NEIL3: variants seen among roughly 807,000 people sequenced by gnomAD.
The protein encoded by NEIL3 is endonuclease 8-like 3.
A neutral mutation model predicts 57.5 loss-of-function variants in NEIL3; 48 were observed. The observed-to-expected ratio is 0.83, with a 90% CI of 0.66 to 1.06. NEIL3 has a LOEUF of 1.06. Ranked by LOEUF, NEIL3 falls within the 50% of genes least tolerant of loss-of-function variation. The pLI, the probability that NEIL3 is intolerant of heterozygous loss-of-function variation, is 0.00. For synonymous variants in NEIL3, 261 were observed against 253.2 expected (o/e 1.03, Z -0.29); for missense variants, 717 against 739.1 (o/e 0.97, Z 0.35).
chr4:177,353,729 G>A lies in NEIL3; in HGVS notation c.1460+1G>A, dbSNP rs2110932892. On this transcript the variant is annotated splice_donor_variant, in intron 8 of 9. Transcript: ENST00000264596. LOFTEE classifies it high-confidence loss of function. ...GCTGCAACCCTGGATATTCTAACAG[G>A]TATGATGCTTTTAACCTTGGTCTTT... 6.3e-7 allele frequency: 1 copy of A among 1,596,716 alleles called. No individual in the cohort carries two copies. The highest frequency in any genetic ancestry group is 1.4e-5 in the African/African-American group (1 of 72,910).
chr4:177,351,563 T>C lies in NEIL3; in HGVS notation c.1039+14T>C. 1.2e-6 allele frequency: 2 copies of C among 1,601,022 alleles called. No homozygotes were observed. Among genetic ancestry groups the C allele is most frequent in the South Asian group, 1.1e-5 (1 of 89,292 alleles). Reference sequence around the variant, plus strand: ...CAAGGCCTATTGGTAAGACTGAATTTTGATTTTGAGTTTGTTACATTTCTA... The same window carrying C: ...CAAGGCCTATTGGTAAGACTGAATTCTGATTTTGAGTTTGTTACATTTCTA... On this transcript the variant is annotated intron_variant, in intron 7 of 9. Coordinates refer to ENST00000264596, the MANE Select transcript of NEIL3 (RefSeq NM_018248.3).
In NEIL3 at chr4:177,360,516, A is replaced by C. The variant is rs1254533126; in HGVS notation, c.1474A>C (p.Asn492His). The change falls in exon 9 of 10, where the codon AAT (asparagine) becomes CAT (histidine). Residue 492 changes from asparagine to histidine, a missense_variant. Transcript: ENST00000264596. ...PGYSNSELQI[N>H]MTDGPRTLNP... ...CTGTCATTACAGTGAACTTCAAATTAATATGACAGATGGCCCTCGTACCTT... is the reference window on the plus strand; with the variant it reads ...CTGTCATTACAGTGAACTTCAAATTCATATGACAGATGGCCCTCGTACCTT... The C allele has an allele frequency of 6.2e-7, 1 of 1,613,740 alleles. No individual in the cohort carries two copies. The highest frequency in any genetic ancestry group is 1.7e-5 in the Admixed American group (1 of 59,998).
chr4:177,333,958 G>T (rs1262447220), intron 2 of NEIL3, among the ~76,000 whole-genome samples: 6 of 152,098 alleles, frequency 3.9e-5, no homozygotes, highest in Non-Finnish European at 8.8e-5. Flanking sequence ...GTGGTTGGCA[G>T]GTAGACTTCT....
chr4:177,362,600 CT>C lies in NEIL3; in HGVS notation c.*138del, dbSNP rs1264348125. 7.7e-5 allele frequency: 51 copies of C among 659,462 alleles called. No homozygotes were observed. Among genetic ancestry groups the C allele is most frequent in the Non-Finnish European group, 9.5e-5 (40 of 422,132 alleles). 40.9% of individuals were successfully genotyped at this position (659,462 alleles called of 1,614,324 possible). On this transcript the variant is annotated 3_prime_UTR_variant, in exon 10 of 10. Transcript: ENST00000264596. ...GTTACTGCAATATTTGAGAACTGTTCTTTTTTTTTCTTGTGTGTGCCATCTT... is the reference window on the plus strand; with the variant it reads ...GTTACTGCAATATTTGAGAACTGTTCTTTTTTTTCTTGTGTGTGCCATCTT...
intron 8 of NEIL3, among the ~76,000 whole-genome samples, chr4:177,359,155 A>G (rs574647663): frequency 8.2e-4 from 125 of 152,314 alleles, no homozygotes; most frequent in Admixed American, 2.5e-3. Context: ...CTGATCTGGT[A>G]TTACCCATGA....
chr4:177,328,790 G>A (rs934831020), intron 2 of NEIL3, among the ~76,000 whole-genome samples: 1 of 152,110 alleles, frequency 6.6e-6, no homozygotes, highest in Non-Finnish European at 1.5e-5. Flanking sequence ...TTTCTGTTAT[G>A]TTCTATATCT....
At position 177,339,765 on chromosome 4, in the gene NEIL3, T is replaced by C; in HGVS notation, c.628-18T>C. On this transcript the variant is annotated intron_variant, in intron 4 of 9. Transcript: ENST00000264596. ...AGCAAGTCATGAAACTAGGCTCTGC[T>C]GTTTTTTCCACTTCAAGGTTTGTCA... is the stretch of plus-strand genomic sequence containing the variant. 1 of 1,574,134 alleles carries C rather than the reference T, an allele frequency of 6.4e-7. No individual in the cohort carries two copies. The highest frequency in any genetic ancestry group is 8.7e-7 in the Non-Finnish European group (1 of 1,144,288).
rs1011526268 is a variant in NEIL3, at chr4:177,325,818, T to C, written c.278+3238T>C. On this transcript the variant is annotated intron_variant, in intron 2 of 9. Coordinates refer to ENST00000264596, the MANE Select transcript of NEIL3 (RefSeq NM_018248.3). ...CTCCCTACTAACTAATGATATCTGA[T>C]GCAATATGCATATTTCCTGTTTGTG... is the stretch of plus-strand genomic sequence containing the variant. 3.2e-4 allele frequency among the ~76,000 whole-genome samples: 49 copies of C among 152,140 alleles called. 1 individual carries two copies. The highest frequency in any genetic ancestry group is 1.2e-3 in the African/African-American group (48 of 41,466).
rs36076912 is a variant in NEIL3, at chr4:177,326,513, C to CT, written c.278+3944dup. 1.5e-3 allele frequency among the ~76,000 whole-genome samples: 220 copies of CT among 142,640 alleles called. 3 individuals are homozygous for CT. In the East Asian group the frequency reaches 0.025, roughly 16 times the overall value. The allele number at this position is 142,640 out of a possible 152,430, so 93.6% of individuals were successfully genotyped here. A position where few individuals can be genotyped will look rare whatever the true frequency, so the allele number is the denominator to read the frequency against. Reference sequence around the variant, plus strand: ...GTAGTGTCAGTCGTCTGACTTTATTCTTTTTTTTTTTCAAAATTGTTTTTG... The same window carrying CT: ...GTAGTGTCAGTCGTCTGACTTTATTCTTTTTTTTTTTTCAAAATTGTTTTTG... On this transcript the variant is annotated intron_variant, in intron 2 of 9. Transcript: ENST00000264596.
intron 6 of NEIL3, among the ~76,000 whole-genome samples, chr4:177,345,306 A>T (rs543585596): frequency 6.6e-6 from 1 of 152,280 alleles, no homozygotes; most frequent in South Asian, 2.1e-4. Flanking sequence ...GAAACAACAC[A>T]TGGGAAAGTA....
intron 1 of NEIL3, among the ~76,000 whole-genome samples, chr4:177,317,236 G>T (rs145401280): frequency 5.9e-4 from 90 of 152,168 alleles, no homozygotes; most frequent in African/African-American, 2.0e-3. Context: ...AGATCATATT[G>T]TATGTTGTTT....
rs768766464 is a variant in NEIL3 at position 177,362,472 on chromosome 4, T to G, written c.*1T>G. The G allele has an allele frequency of 6.2e-7, 1 of 1,605,792 alleles. No homozygotes were observed. The highest frequency in any genetic ancestry group is 1.1e-5 in the South Asian group (1 of 89,894). On this transcript the variant is annotated 3_prime_UTR_variant, in exon 10 of 10. Coordinates refer to ENST00000264596, the MANE Select transcript of NEIL3 (RefSeq NM_018248.3). ...AATAAAAATTATTCCTGGATGCTAA[T>G]ATCTGTAGATTCTCTGGCATTTAGT...
At chr4:177,324,691 C>T (rs894991641) in intron 2 of NEIL3, among the ~76,000 whole-genome samples, 12 of 152,232 alleles carry the variant, frequency 7.9e-5, no homozygotes, top group South Asian at 4.1e-4. Flanking sequence ...ACACAAACGT[C>T]ACTTGAAGTT....
chr4:177,339,861 A>G lies in NEIL3; in HGVS notation c.702+4A>G. 1.9e-6 allele frequency: 3 copies of G among 1,604,770 alleles called. No homozygotes were observed. The highest frequency in any genetic ancestry group is 2.6e-6 in the Non-Finnish European group (3 of 1,171,732). On this transcript the variant is annotated splice_donor_region_variant and intron_variant, in intron 5 of 9. Coordinates refer to ENST00000264596, the MANE Select transcript of NEIL3 (RefSeq NM_018248.3). ...TTTCAGCATTCTCTTTTACAGGGTA[A>G]GAGCAAAATTTTTCAACTGTGTAAA...
intron 6 of NEIL3, among the ~76,000 whole-genome samples, chr4:177,348,516 A>G (rs9637678): frequency 0.13 from 19,700 of 152,002 alleles, 1,630 homozygotes; most frequent in East Asian, 0.24. Context: ...TGGGCACTGA[A>G]CAGATGTGAG....
chr4:177,344,991 CTTTA>C (rs1264320258), intron 6 of NEIL3, among the ~76,000 whole-genome samples: 2 of 152,046 alleles, frequency 1.3e-5, no homozygotes, highest in African/African-American at 2.4e-5. Context: ...TTGTTATTTA[CTTTA>C]TTTATTAGGG....
Position 177,360,644 on chromosome 4 carries a change from T to G in NEIL3, c.1602T>G (p.Pro534=). 6.2e-7 allele frequency: 1 copy of G among 1,613,400 alleles called. No homozygotes were observed. Among genetic ancestry groups the G allele is most frequent in the African/African-American group, 1.3e-5 (1 of 75,042 alleles). The stretch of plus-strand genomic sequence containing the variant: ...AGGGCAGGCAGTTTTATGCCTGTCC[T>G]CTACCTAGAGAAGCACAATGTGGAT... ...ENKGRQFYAC[P]LPREAQCGFF... Residue 534 remains proline (P), a synonymous_variant, in exon 9 of 10, where the codon CCT becomes CCG. Transcript: ENST00000264596.
intron 6 of NEIL3, among the ~76,000 whole-genome samples, chr4:177,346,468 G>A (rs943054155): frequency 6.6e-6 from 1 of 152,148 alleles, no homozygotes; most frequent in Non-Finnish European, 1.5e-5. Context: ...CGTGCCAGCC[G>A]ACTCAGTTGA....
chr4:177,354,918 C>T (rs1735442814), intron 8 of NEIL3, among the ~76,000 whole-genome samples: 1 of 151,890 alleles, frequency 6.6e-6, no homozygotes, highest in Non-Finnish European at 1.5e-5. Context: ...CAGGAGAACA[C>T]CCTCATTTTT....
Sources: allele counts gnomAD v4.1 joint callset (sites outside exome capture counted in the v4.1 genomes callset), GRCh38; gene constraint gnomAD v4.1.1; transcripts MANE v1.5; gene names NCBI Gene and HGNC (gene_info 2026-07-23, HGNC 2026-07-21).